Variants in SAXO2 observed in about 807,000 individuals in gnomAD.
SAXO2 encodes the protein stabilizer of axonemal microtubules 2.
SAXO2 carries 17 observed loss-of-function variants against 18.7 expected under a neutral mutation model. The ratio of observed to expected loss-of-function variants is 0.91; its 90% CI spans 0.62 to 1.36. The LOEUF (loss-of-function observed/expected upper bound fraction) is 1.36. SAXO2 is among the 40% of genes most tolerant of loss of function. SAXO2 has a pLI of 0.00. For synonymous variants in SAXO2, 163 were observed against 181.2 expected (o/e 0.90, Z 0.81); for missense variants, 486 against 562.6 (o/e 0.86, Z 1.38).
intron 2 of SAXO2, among the ~76,000 whole-genome samples, chr15:82,267,856 TA>T (rs904551676): frequency 6.6e-6 from 1 of 152,170 alleles, no homozygotes; most frequent in African/African-American, 2.4e-5. Context: ...GAGCTCTATC[TA>T]AAAGAGCCAG....
In SAXO2 at chr15:82,282,356, T is replaced by A. The variant is rs1427339004; in HGVS notation, c.671T>A (p.Phe224Tyr). The change falls in exon 4 of 4, where the codon TTT (phenylalanine) becomes TAT (tyrosine). Residue 224 changes from phenylalanine (F) to tyrosine (Y), a missense_variant. Transcript: ENST00000682753. ...ATACCTCATCAGCTTGAACTCAAGT[T>A]TGAAAGGCCAAAAGAAGTTTACAAA... ...DYIPHQLELKFERPKEVYKPT... is the reference protein window; with the variant it reads ...DYIPHQLELKYERPKEVYKPT... 6.2e-7 allele frequency: 1 copy of A among 1,614,062 alleles called. No individual in the cohort carries two copies. Among genetic ancestry groups the A allele is most frequent in the Non-Finnish European group, 8.5e-7 (1 of 1,180,052 alleles).
At chr15:82,270,547 T>C (rs1446023280) in intron 2 of SAXO2, among the ~76,000 whole-genome samples, 1 of 152,192 alleles carries the variant, frequency 6.6e-6, no homozygotes, top group African/African-American at 2.4e-5. Flanking sequence ...ATGTTGTGAA[T>C]AGAAGAATTC....
At chr15:82,264,223 G>A (rs940923499) in intron 1 of SAXO2, among the ~76,000 whole-genome samples, 28 of 151,650 alleles carry the variant, frequency 1.8e-4, no homozygotes, top group African/African-American at 6.8e-4. Context: ...AGGCTCGTGC[G>A]ACCACACCCA....
rs149761671 is a variant in SAXO2, at chr15:82,282,190, G to C, written c.505G>C (p.Val169Leu). ...AGAACAAACTTACCACCCGCCTACT[G>C]TGAAATTTGGAAATTCAACTACATT... ...KPEQTYHPPT[V>L]KFGNSTTFQD... The change falls in exon 4 of 4, where the codon GTG becomes CTG. Residue 169 changes from valine to leucine, a missense_variant. Physicochemically the swap from Val to Leu is conservative, Grantham distance 32 (BLOSUM62 1). Transcript: ENST00000682753. 1.9e-6 allele frequency: 3 copies of C among 1,613,894 alleles called. No individual in the cohort carries two copies. Among genetic ancestry groups the C allele is most frequent in the Non-Finnish European group, 2.5e-6 (3 of 1,179,930 alleles).
At chr15:82,270,144 C>T (rs1486039086) in intron 2 of SAXO2, among the ~76,000 whole-genome samples, 5 of 152,126 alleles carry the variant, frequency 3.3e-5, no homozygotes, top group South Asian at 2.1e-4. Context: ...AGGGTTATTT[C>T]GATCTAGGTA....
In SAXO2 at chr15:82,282,495, T is replaced by A; in HGVS notation, c.810T>A (p.Ala270=). The A allele has an allele frequency of 6.2e-7, 1 of 1,614,174 alleles. No individual in the cohort carries two copies. Among genetic ancestry groups the A allele is most frequent in the South Asian group, 1.1e-5 (1 of 91,076 alleles). ...TACACACCAGAGTGACCCAGAATGCTCTGTTTGAAGGAAGCACTGAATTCC... is the reference window on the plus strand; with the variant it reads ...TACACACCAGAGTGACCCAGAATGCACTGTTTGAAGGAAGCACTGAATTCC... ...RPVHTRVTQN[A]LFEGSTEFRE... is the part of the protein sequence containing the mutation. The change falls in exon 4 of 4, where the codon GCT becomes GCA. Residue 270 remains alanine (A), a synonymous_variant. Transcript: ENST00000682753.
chr15:82,273,886 C>T lies in SAXO2; in HGVS notation c.433+2084C>T, dbSNP rs138120652. Among the ~76,000 whole-genome samples, 159 of 151,894 alleles carry T rather than the reference C, an allele frequency of 1.0e-3. 2 individuals are homozygous for T. The East Asian group carries it at 0.023, about 22-fold the overall frequency. ...CTGAGTAGCTAGGATTACAGGTGTG[C>T]GCCACCACGCCTGGCTAATTTTTGT... On this transcript the variant is annotated intron_variant, in intron 3 of 3. Transcript: ENST00000682753.
chr15:82,263,091 C>T (rs1428177417), intron 1 of SAXO2, 159 bp downstream of exon 1: 1 of 1,505,474 alleles, frequency 6.6e-7, no homozygotes, highest in Non-Finnish European at 8.8e-7. Flanking sequence ...TCCGCGAATA[C>T]TCGCTCCTCA....
chr15:82,272,016 C>T (rs2075276703), intron 3 of SAXO2: 2 of 451,950 alleles, frequency 4.4e-6, no homozygotes, highest in South Asian at 5.0e-5. Flanking sequence ...ACAATCCCAT[C>T]CAAATTCATC....
rs532355245 is a variant in SAXO2, at chr15:82,283,525, C to A, written c.*463C>A. 1 of 154,404 alleles carries A rather than the reference C, an allele frequency of 6.5e-6. No individual in the cohort carries two copies. The highest frequency in any genetic ancestry group is 1.9e-4 in the East Asian group (1 of 5,272). 9.6% of individuals were successfully genotyped at this position (154,404 alleles called of 1,614,324 possible). A position where few individuals can be genotyped will look rare whatever the true frequency, so the allele number is the denominator to read the frequency against. Reference sequence around the variant, plus strand: ...GACTTCACGGCATCTACATAGCATCCACTGAATCAAGTTTTGGTTGGTGGT... The same window carrying A: ...GACTTCACGGCATCTACATAGCATCAACTGAATCAAGTTTTGGTTGGTGGT... On this transcript the variant is annotated 3_prime_UTR_variant, in exon 4 of 4. Coordinates refer to ENST00000682753, the MANE Select transcript of SAXO2 (RefSeq NM_001348699.2).
intron 1 of SAXO2, 59 bp from the exon 2 acceptor site, chr15:82,265,510 A>G: frequency 8.2e-7 from 1 of 1,221,830 alleles, no homozygotes; most frequent in Non-Finnish European, 1.0e-6. Flanking sequence ...CTCTGATTAA[A>G]ACGCAGTTAT....
At chr15:82,277,147 A>C (rs1567093169) in intron 3 of SAXO2, among the ~76,000 whole-genome samples, 2 of 152,164 alleles carry the variant, frequency 1.3e-5, no homozygotes, top group Non-Finnish European at 2.9e-5. Flanking sequence ...AAAATATAGA[A>C]AGTTAAAATA....
At position 82,263,662 on chromosome 15, in the gene SAXO2, C is replaced by T. The variant is rs2270883; in HGVS notation, c.53+730C>T. ...GATGGAAAGCAGTTTTTTTAATAGT[C>T]TCATAATAAACACAGTTCATAATTA... is the stretch of plus-strand genomic sequence containing the variant. On this transcript the variant is annotated intron_variant, in intron 1 of 3. Coordinates refer to ENST00000682753, the MANE Select transcript of SAXO2 (RefSeq NM_001348699.2). 0.014 allele frequency among the ~76,000 whole-genome samples: 2,164 copies of T among 152,246 alleles called. 115 individuals carry two copies. The East Asian group carries it at 0.19, about 13-fold the overall frequency.
intron 3 of SAXO2, among the ~76,000 whole-genome samples, chr15:82,275,217 C>G (rs188885028): frequency 9.2e-6 from 1 of 109,094 alleles, no homozygotes; most frequent in Non-Finnish European, 1.8e-5. Flanking sequence ...TAGGAAGAAA[C>G]AGAAATCCTG....
rs1567087696 is a variant in SAXO2, at chr15:82,265,713, A to C, written c.198A>C (p.Ala66=). 8 of 1,530,662 alleles carry C rather than the reference A, an allele frequency of 5.2e-6. No homozygotes were observed. Among genetic ancestry groups the C allele is most frequent in the Non-Finnish European group, 7.0e-6 (8 of 1,145,132 alleles). The allele number at this position is 1,530,662 out of a possible 1,614,324, so 94.8% of individuals were successfully genotyped here. A position where few individuals can be genotyped will look rare whatever the true frequency, so the allele number is the denominator to read the frequency against. Residue 66 remains alanine, a synonymous_variant, in exon 2 of 4, where the codon GCA becomes GCC. Coordinates refer to ENST00000682753, the MANE Select transcript of SAXO2 (RefSeq NM_001348699.2). ...QSLKAKQEIR[A]CHGKMEGITT... ...TTAAAGCCAAGCAAGAAATTCGAGC[A>C]TGCCATGGTAAAATGGAAGGAATAA... is the stretch of plus-strand genomic sequence containing the variant.
Position 82,264,815 on chromosome 15 carries a change from C to G in SAXO2, c.54-754C>G, listed in dbSNP as rs573358362. On this transcript the variant is annotated intron_variant, in intron 1 of 3. Coordinates refer to ENST00000682753, the MANE Select transcript of SAXO2 (RefSeq NM_001348699.2). Reference sequence around the variant, plus strand: ...GCTTGCAAATCAAGATGCCGCCTAACAACTTCTAGCTCCAATCTCTTGTTG... The same window carrying G: ...GCTTGCAAATCAAGATGCCGCCTAAGAACTTCTAGCTCCAATCTCTTGTTG... The G allele has an allele frequency of 3.0e-4, 208 of 693,596 alleles. 1 individual carries two copies. Among genetic ancestry groups the G allele is most frequent in the Non-Finnish European group, 4.7e-4 (180 of 381,480 alleles). The allele number at this position is 693,596 out of a possible 1,614,324, so 43.0% of individuals were successfully genotyped here.
At position 82,265,200 on chromosome 15, in the gene SAXO2, G is replaced by A. The variant is rs1431563551; in HGVS notation, c.54-369G>A. Among the ~76,000 whole-genome samples, 3 of 152,280 alleles carry A rather than the reference G, an allele frequency of 2.0e-5. No homozygotes were observed. The East Asian group carries it at 5.8e-4, about 29-fold the overall frequency. ...CTGTCACCCAGGCTGGAGTGCAGTG[G>A]CAGGATCTTGGCTCACTGCAAGCTC... On this transcript the variant is annotated intron_variant, in intron 1 of 3. Coordinates refer to ENST00000682753, the MANE Select transcript of SAXO2 (RefSeq NM_001348699.2).
intron 2 of SAXO2, among the ~76,000 whole-genome samples, chr15:82,266,145 C>CAACAA (rs1555433601): frequency 6.7e-6 from 1 of 149,232 alleles, no homozygotes; most frequent in African/African-American, 2.5e-5. Flanking sequence ...TAAACAACAA[C>CAACAA]AAAAAAAAAA....
At chr15:82,270,207 GAGA>G (rs2075257860) in intron 2 of SAXO2, among the ~76,000 whole-genome samples, 1 of 152,182 alleles carries the variant, frequency 6.6e-6, no homozygotes, top group South Asian at 2.1e-4. Flanking sequence ...AACAGTGGAT[GAGA>G]AGAAGAATGT....
Sources: allele counts gnomAD v4.1 joint callset (sites outside exome capture counted in the v4.1 genomes callset), GRCh38; gene constraint gnomAD v4.1.1; transcripts MANE v1.5; gene names NCBI Gene and HGNC (gene_info 2026-07-23, HGNC 2026-07-21).